Variants in MYCT1 observed in about 807,000 individuals in gnomAD.
The protein encoded by MYCT1 is myc target protein 1.
MYCT1 carries 12 observed loss-of-function variants against 15.0 expected under a neutral mutation model. The observed-to-expected ratio is 0.80, with a 90% CI of 0.51 to 1.29. MYCT1 has a LOEUF of 1.29. MYCT1 is among the 50% of genes most tolerant of loss of function. The pLI is 0.00. For synonymous variants in MYCT1, 104 were observed against 102.7 expected (o/e 1.01, Z -0.07); for missense variants, 287 against 279.1 (o/e 1.03, Z -0.20).
downstream of MYCT1, chr6:152,724,623 G>A (rs532346827): frequency 5.9e-5 from 9 of 152,134 alleles, no homozygotes; most frequent in Admixed American, 2.6e-4. Context: ...TAAAAAGCAA[G>A]GAGTCAAGAA....
At chr6:152,727,602 C>T (rs557903741), downstream of MYCT1, among the ~76,000 whole-genome samples, 18 of 152,298 alleles carry the variant, frequency 1.2e-4, no homozygotes, top group Admixed American at 3.3e-4. Flanking sequence ...AAATAGAGAA[C>T]GGCCATGCAA....
intron 1 of MYCT1, among the ~76,000 whole-genome samples, chr6:152,721,364 T>C (rs936006712): frequency 3.3e-5 from 5 of 152,204 alleles, no homozygotes; most frequent in Non-Finnish European, 5.9e-5. Flanking sequence ...GGCACATTAG[T>C]TACTACTATA....
chr6:152,699,063 A>C (rs1050192403), intron 1 of MYCT1, among the ~76,000 whole-genome samples: 31 of 152,336 alleles, frequency 2.0e-4, no homozygotes, highest in Middle Eastern at 6.8e-3. Flanking sequence ...TTATATGGCC[A>C]GAACAAGTTT....
intron 1 of MYCT1, 117 bp downstream of exon 1, chr6:152,698,215 T>G (rs951013819): frequency 1.3e-4 from 64 of 476,402 alleles, no homozygotes; most frequent in Middle Eastern, 1.2e-3. Context: ...TGTGATTACT[T>G]AAAGTTTTCA....
chr6:152,740,211 C>T, the MYCT1 span, among the ~76,000 whole-genome samples: 2 of 151,948 alleles, frequency 1.3e-5, no homozygotes, highest in African/African-American at 2.4e-5. Flanking sequence ...CCACCATGCC[C>T]GGCTAATTTT....
intron 1 of MYCT1, among the ~76,000 whole-genome samples, chr6:152,712,542 T>G (rs1472188226): frequency 1.4e-5 from 1 of 71,912 alleles, no homozygotes; most frequent in African/African-American, 3.7e-5. Flanking sequence ...CACTCCCTAG[T>G]GAGATGAACC....
Position 152,722,394 on chromosome 6 carries a change from C to T in MYCT1, c.*141C>T, listed in dbSNP as rs1023967716. The T allele has an allele frequency of 5.1e-6, 4 of 790,354 alleles. No individual in the cohort carries two copies. The African/African-American group carries it at 5.2e-5, about 10-fold the overall frequency. The allele number at this position is 790,354 out of a possible 1,614,324, so 49.0% of individuals were successfully genotyped here. A position where few individuals can be genotyped will look rare whatever the true frequency, so the allele number is the denominator to read the frequency against. ...TTGAAACATGGTTGTGCAAGTTGGACATTACAATGTAAAACACATTTTCTT... is the reference window on the plus strand; with the variant it reads ...TTGAAACATGGTTGTGCAAGTTGGATATTACAATGTAAAACACATTTTCTT... On this transcript the variant is annotated 3_prime_UTR_variant, in exon 2 of 2. Transcript: ENST00000367245.
downstream of MYCT1, among the ~76,000 whole-genome samples, chr6:152,725,693 C>A (rs967432029): frequency 3.3e-5 from 5 of 152,120 alleles, no homozygotes; most frequent in South Asian, 1.0e-3. Context: ...CTGGCATTGC[C>A]CTTTTGGAAG....
In MYCT1 at chr6:152,718,083, A is replaced by G. The variant is rs548940794; in HGVS notation, c.197-3659A>G. Among the ~76,000 whole-genome samples the G allele has an allele frequency of 9.2e-5, 14 of 152,282 alleles. No homozygotes were observed. In the East Asian group the frequency reaches 1.7e-3, roughly 19 times the overall value. On this transcript the variant is annotated intron_variant, in intron 1 of 1. Coordinates refer to ENST00000367245, the MANE Select transcript of MYCT1 (RefSeq NM_025107.3). ...TTTGGGCATAGACAATAGGTTTACC[A>G]TATCAAATCAAAGTATTACCAAGCC... is the stretch of plus-strand genomic sequence containing the variant.
At chr6:152,714,209 C>G (rs1191576844) in intron 1 of MYCT1, among the ~76,000 whole-genome samples, 1 of 151,610 alleles carries the variant, frequency 6.6e-6, no homozygotes, top group Non-Finnish European at 1.5e-5. Context: ...TCTTTCTCTC[C>G]TCTTTCCATC....
downstream of MYCT1, among the ~76,000 whole-genome samples, chr6:152,728,805 T>C (rs1258391883): frequency 6.6e-6 from 1 of 151,856 alleles, no homozygotes; most frequent in African/African-American, 2.4e-5. Flanking sequence ...ACTTGGGAGG[T>C]TGAGGTGAGG....
Position 152,722,301 on chromosome 6 carries a change from G to GA in MYCT1, c.*51dup. ...TTTCTTTCTTGTCTTGTCTTTTATTGAAAGGAAATCAAAAATAGGCTAAAC... is the reference window on the plus strand; with the variant it reads ...TTTCTTTCTTGTCTTGTCTTTTATTGAAAAGGAAATCAAAAATAGGCTAAAC... On this transcript the variant is annotated 3_prime_UTR_variant, in exon 2 of 2. Transcript: ENST00000367245. The GA allele has an allele frequency of 6.5e-7, 1 of 1,533,764 alleles. No homozygotes were observed. The highest frequency in any genetic ancestry group is 1.4e-5 in the African/African-American group (1 of 72,100).
chr6:152,744,186 G>A, the MYCT1 span, among the ~76,000 whole-genome samples: 12 of 152,188 alleles, frequency 7.9e-5, no homozygotes, highest in African/African-American at 2.7e-4. Flanking sequence ...TCAAGGGCCT[G>A]AATGAACTTC....
chr6:152,731,580 C>T, the MYCT1 span, among the ~76,000 whole-genome samples: 1 of 152,066 alleles, frequency 6.6e-6, no homozygotes, highest in African/African-American at 2.4e-5. Context: ...TCCAAGTGTT[C>T]TCATTGTTCA....
At chr6:152,706,407 G>A (rs2099722259) in intron 1 of MYCT1, among the ~76,000 whole-genome samples, 1 of 152,138 alleles carries the variant, frequency 6.6e-6, no homozygotes, top group South Asian at 2.1e-4. Flanking sequence ...CACGTACAAT[G>A]TACTGCTTTC....
intron 1 of MYCT1, among the ~76,000 whole-genome samples, chr6:152,720,615 T>C (rs1280372905): frequency 6.6e-6 from 1 of 152,188 alleles, no homozygotes; most frequent in Non-Finnish European, 1.5e-5. Context: ...GCTTGAAGAA[T>C]GAGTTTTCCA....
chr6:152,726,114 T>C (rs1442835550), downstream of MYCT1, among the ~76,000 whole-genome samples: 6 of 151,972 alleles, frequency 3.9e-5, no homozygotes, highest in Non-Finnish European at 8.8e-5. Flanking sequence ...AAGAAAGTGA[T>C]GGCCGGGCGC....
At chr6:152,698,449 T>C (rs1412964935) in intron 1 of MYCT1, among the ~76,000 whole-genome samples, 1 of 152,058 alleles carries the variant, frequency 6.6e-6, no homozygotes, top group African/African-American at 2.4e-5. Context: ...GCTTAGAATA[T>C]GGCATGTAGA....
downstream of MYCT1, among the ~76,000 whole-genome samples, chr6:152,729,045 G>T (rs747448039): frequency 6.6e-6 from 1 of 152,184 alleles, no homozygotes; most frequent in Admixed American, 6.5e-5. Context: ...TGTGATTTGT[G>T]GAGAATGAGT....
Sources: gnomAD v4.1 joint callset for allele counts (sites outside exome capture counted in the v4.1 genomes callset) on GRCh38, gnomAD v4.1.1 for gene constraint, MANE v1.5 for transcripts, NCBI Gene and HGNC (gene_info 2026-07-23, HGNC 2026-07-21) for gene names.